Variants in BLM observed in about 807,000 individuals in gnomAD.
BLM encodes the protein recQ-like DNA helicase BLM.
Under a neutral mutation model 135.3 loss-of-function variants are expected in BLM, and 95 were observed. The observed-to-expected ratio is 0.70, with a 90% CI of 0.59 to 0.83. The LOEUF (loss-of-function observed/expected upper bound fraction) is 0.83. BLM is among the 40% of genes least tolerant of loss of function. The probability of loss-of-function intolerance (pLI) is 0.00; values close to 1 mark genes in which losing one functional copy is unlikely to be tolerated. For synonymous variants in BLM, 520 were observed against 589.2 expected (o/e 0.88, Z 1.70); for missense variants, 1,518 against 1,663.9 (o/e 0.91, Z 1.53).
In BLM at chr15:90,812,196, C is replaced by T. The variant is rs567428780; in HGVS notation, c.4076+790C>T. ...TCCCATGGATCTCCACCTTGAAGCA[C>T]GTGCACACTCCCTGCCTTTCATTAA... On this transcript the variant is annotated intron_variant, in intron 21 of 21. Transcript: ENST00000355112. Among the ~76,000 whole-genome samples, 143 of 152,252 alleles carry T rather than the reference C, an allele frequency of 9.4e-4. 6 individuals are homozygous for T. In the South Asian group the frequency reaches 0.029, roughly 31 times the overall value.
intron 12 of BLM, among the ~76,000 whole-genome samples, chr15:90,778,183 T>A (rs567475724): frequency 1.6e-4 from 24 of 152,332 alleles, no homozygotes; most frequent in Admixed American, 1.5e-3. Context: ...TAGAGATAGT[T>A]GTCTTGGTTT....
intron 20 of BLM, among the ~76,000 whole-genome samples, chr15:90,810,720 A>G (rs914434580): frequency 6.6e-6 from 1 of 152,252 alleles, no homozygotes; most frequent in Non-Finnish European, 1.5e-5. Flanking sequence ...AATAGGATCT[A>G]GAATTTTCTT....
At chr15:90,778,622 C>T (rs1242126683) in intron 12 of BLM, among the ~76,000 whole-genome samples, 1 of 152,164 alleles carries the variant, frequency 6.6e-6, no homozygotes, top group African/African-American at 2.4e-5. Flanking sequence ...ATAGAATCAT[C>T]CAATATGTGA....
rs28385102 is a variant in BLM at position 90,794,452 on chromosome 15, G to A, written c.3210+95G>A. On this transcript the variant is annotated intron_variant, in intron 16 of 21. Transcript: ENST00000355112. ...AATTAGATTGCAAAAGGTGGTCTCC[G>A]ACAGATTAACAGGGGAAAGACAGCT... is the stretch of plus-strand genomic sequence containing the variant. 126 of 1,006,454 alleles carry A rather than the reference G, an allele frequency of 1.3e-4. No homozygotes were observed. In the East Asian group the frequency reaches 2.7e-3, roughly 22 times the overall value. 62.3% of individuals were successfully genotyped at this position (1,006,454 alleles called of 1,614,324 possible).
intron 14 of BLM, among the ~76,000 whole-genome samples, chr15:90,786,198 G>C (rs953913179): frequency 1.3e-5 from 2 of 151,690 alleles, no homozygotes; most frequent in African/African-American, 4.8e-5. Context: ...GTGTTGCCCA[G>C]CCTGGTCTTG....
At chr15:90,789,994 T>TG (rs1896860430) in intron 14 of BLM, among the ~76,000 whole-genome samples, 1 of 56,066 alleles carries the variant, frequency 1.8e-5, no homozygotes, top group Non-Finnish European at 3.6e-5. Flanking sequence ...GGTGTTTTTT[T>TG]TTTTTTTTTT....
At chr15:90,722,217 C>T (rs1484486094) in intron 1 of BLM, among the ~76,000 whole-genome samples, 1 of 152,010 alleles carries the variant, frequency 6.6e-6, no homozygotes, top group East Asian at 2.0e-4. Flanking sequence ...TCATGCCATT[C>T]TCCTGCCTCA....
intron 10 of BLM, among the ~76,000 whole-genome samples, chr15:90,768,715 G>C (rs1277782871): frequency 1.3e-5 from 2 of 152,048 alleles, no homozygotes; most frequent in African/African-American, 4.8e-5. Flanking sequence ...TTTATATGGA[G>C]GTGTTTTTGT....
chr15:90,760,979 C>A lies in BLM; in HGVS notation c.1606C>A (p.His536Asn), dbSNP rs1895967093. 6.2e-7 allele frequency: 1 copy of A among 1,612,938 alleles called. No individual in the cohort carries two copies. Among genetic ancestry groups the A allele is most frequent in the East Asian group, 2.2e-5 (1 of 44,872 alleles). Residue 536 changes from histidine to asparagine, a missense_variant, in exon 7 of 22, where the codon CAT becomes AAT. Around this residue, in one of 5 missense-constraint regions of BLM, gnomAD observed 724 missense variants for 756.9 expected, o/e 0.96. Coordinates refer to ENST00000355112, the MANE Select transcript of BLM (RefSeq NM_000057.4). ...TSTAVKDQNK[H>N]TASINDLERE... ...CACTGCTGTGAAAGATCAGAATAAACATACTGCTTCAATAAATGACTTAGA... is the reference window on the plus strand; with the variant it reads ...CACTGCTGTGAAAGATCAGAATAAAAATACTGCTTCAATAAATGACTTAGA...
rs899579494 is a variant in BLM at position 90,769,705 on chromosome 15, G to A, written c.2555+119G>A. 5.0e-6 allele frequency: 6 copies of A among 1,194,258 alleles called. No homozygotes were observed. In the Admixed American group the frequency reaches 7.0e-5, roughly 14 times the overall value. The allele number at this position is 1,194,258 out of a possible 1,614,324, so 74.0% of individuals were successfully genotyped here. A position where few individuals can be genotyped will look rare whatever the true frequency, so the allele number is the denominator to read the frequency against. On this transcript the variant is annotated intron_variant, in intron 12 of 21. Coordinates refer to ENST00000355112, the MANE Select transcript of BLM (RefSeq NM_000057.4). Reference sequence around the variant, plus strand: ...CACCCCACCCCCACCCCACCCCCATGCCCAAGTTGTAACCCGATGGCAGCT... The same window carrying A: ...CACCCCACCCCCACCCCACCCCCATACCCAAGTTGTAACCCGATGGCAGCT...
At chr15:90,793,481 C>T (rs1896956017) in intron 15 of BLM, among the ~76,000 whole-genome samples, 1 of 152,140 alleles carries the variant, frequency 6.6e-6, no homozygotes, top group Non-Finnish European at 1.5e-5. Flanking sequence ...GAAAGTATGC[C>T]ACTGCTGTTC....
chr15:90,754,048 A>G (rs1340901333), intron 4 of BLM, among the ~76,000 whole-genome samples: 2 of 152,204 alleles, frequency 1.3e-5, no homozygotes, highest in Non-Finnish European at 1.5e-5. Flanking sequence ...GCAAATAGAA[A>G]TGTCCTTTTT....
rs745676299 is a variant in BLM at position 90,803,737 on chromosome 15, GTTTAT to G, written c.3558+24_3558+28del. On this transcript the variant is annotated intron_variant, in intron 18 of 21. Coordinates refer to ENST00000355112, the MANE Select transcript of BLM (RefSeq NM_000057.4). Reference sequence around the variant, plus strand: ...AATTTAAAGGTATAGTATTTTTCATGTTTATTTTATTATCTCACAATGAGTGAACC... The same window carrying G: ...AATTTAAAGGTATAGTATTTTTCATGTTTATTATCTCACAATGAGTGAACC... 4.3e-6 allele frequency: 7 copies of G among 1,611,790 alleles called. No homozygotes were observed. The highest frequency in any genetic ancestry group is 5.1e-6 in the Non-Finnish European group (6 of 1,178,222).
intron 10 of BLM, among the ~76,000 whole-genome samples, chr15:90,768,617 T>C (rs745459968): frequency 3.9e-5 from 6 of 152,272 alleles, no homozygotes; most frequent in Non-Finnish European, 7.3e-5. Context: ...ATAAGCTGTT[T>C]GCTTAATGTT....
At position 90,749,517 on chromosome 15, in the gene BLM, G is replaced by A. The variant is rs1430623511; in HGVS notation, c.249G>A (p.Gln83=). The A allele has an allele frequency of 5.6e-6, 9 of 1,614,168 alleles. No individual in the cohort carries two copies. Among genetic ancestry groups the A allele is most frequent in the Non-Finnish European group, 5.9e-6 (7 of 1,180,020 alleles). ...FSEPLPNTTN[Q]QRVKDFFKNA... ...AACCTCTACCCAACACCACAAATCA[G>A]CAAAGGGTCAAGGACTTCTTTAAAA... is the stretch of plus-strand genomic sequence containing the variant. The change falls in exon 3 of 22, where the codon CAG becomes CAA. Residue 83 remains glutamine, a synonymous_variant. Transcript: ENST00000355112.
chr15:90,805,772 C>T (rs1433014029), intron 19 of BLM, among the ~76,000 whole-genome samples: 1 of 151,886 alleles, frequency 6.6e-6, no homozygotes, highest in East Asian at 2.0e-4. Flanking sequence ...CTCAGGTTAT[C>T]CCCCTGCCTC....
At chr15:90,758,681 T>C (rs1340112911) in intron 5 of BLM, among the ~76,000 whole-genome samples, 2 of 152,216 alleles carry the variant, frequency 1.3e-5, no homozygotes, top group African/African-American at 4.8e-5. Flanking sequence ...TTTCTTTCTA[T>C]GTGCTTTCTA....
At chr15:90,723,293 C>T (rs866099690) in intron 1 of BLM, among the ~76,000 whole-genome samples, 5 of 150,392 alleles carry the variant, frequency 3.3e-5, no homozygotes, top group African/African-American at 9.8e-5. Context: ...TTCTAGTTTG[C>T]GTTATTATGT....
chr15:90,798,049 A>G, intron 16 of BLM, 141 bp from the exon 17 acceptor site: 1 of 642,792 alleles, frequency 1.6e-6, no homozygotes, highest in Non-Finnish European at 2.6e-6. Flanking sequence ...AAGAATGAAC[A>G]TTTGAAATTT....
Sources: gnomAD v4.1 joint callset for allele counts (sites outside exome capture counted in the v4.1 genomes callset) on GRCh38, gnomAD v4.1.1 for gene constraint, gnomAD v4.1.1 regional missense constraint, MANE v1.5 for transcripts, NCBI Gene and HGNC (gene_info 2026-07-23, HGNC 2026-07-21) for gene names.